The following CYP27C1 variants were observed in gnomAD, a reference collection of about 807,000 sequenced individuals.
CYP27C1 encodes cytochrome P450 family 27 subfamily C member 1.
A neutral mutation model predicts 40.6 loss-of-function variants in CYP27C1; 29 were observed. The observed-to-expected ratio is 0.71, with a 90% CI of 0.53 to 0.97. The LOEUF is 0.97. Ranked by LOEUF, CYP27C1 falls within the 50% of genes least tolerant of loss-of-function variation. CYP27C1 has a pLI of 0.00. For synonymous variants in CYP27C1, 198 were observed against 186.8 expected (o/e 1.06, Z -0.49); for missense variants, 390 against 485.8 (o/e 0.80, Z 1.85).
rs574616656 is a variant in CYP27C1 at position 127,219,410 on chromosome 2, C to T, written c.282+579G>A. Reference sequence around the variant, plus strand: ...CCATTCCTGGTTTCCCTTCGCGGCGCCCCCTCCCCAGGTTCCCCAACCAGG... The same window carrying T: ...CCATTCCTGGTTTCCCTTCGCGGCGTCCCCTCCCCAGGTTCCCCAACCAGG... On this transcript the variant is annotated intron_variant, in intron 1 of 8. Coordinates refer to ENST00000664447, the MANE Select transcript of CYP27C1 (RefSeq NM_001367502.1). This position sits in a 1 kb window ranked among gnomAD's most constrained non-coding sequence, Gnocchi z 8.7. Among the ~76,000 whole-genome samples, 1 of 152,100 alleles carries T rather than the reference C, an allele frequency of 6.6e-6. No homozygotes were observed. The highest frequency in any genetic ancestry group is 2.1e-4 in the South Asian group (1 of 4,812).
chr2:127,188,445 C>T (rs1682688236), intron 8 of CYP27C1, among the ~76,000 whole-genome samples: 1 of 152,094 alleles, frequency 6.6e-6, no homozygotes, highest in Non-Finnish European at 1.5e-5. Context: ...GTTTTGTTGC[C>T]CAGGCTGCTC....
At chr2:127,217,526 G>C (rs979414987) in intron 1 of CYP27C1, among the ~76,000 whole-genome samples, 1 of 152,230 alleles carries the variant, frequency 6.6e-6, no homozygotes, top group Non-Finnish European at 1.5e-5. Flanking sequence ...GGTGCAGAGA[G>C]AATGAGTGAC....
At position 127,205,974 on chromosome 2, in the gene CYP27C1, C is replaced by T. The variant is rs1300787997; in HGVS notation, c.399G>A (p.Ala133=). The change falls in exon 2 of 9, where the codon GCG becomes GCA. Residue 133 remains alanine, a synonymous_variant. Transcript: ENST00000664447. ...AGGACTCCATGTTGGCTCTCTGGGG[C>T]GCAGCGCCCTCCGCCCGGAGCACCT... ...VAQVLRAEGA[A]PQRANMESWR... Among the ~76,000 whole-genome samples, 2 of 152,234 alleles carry T rather than the reference C, an allele frequency of 1.3e-5. No homozygotes were observed. Among genetic ancestry groups the T allele is most frequent in the East Asian group, 1.9e-4 (1 of 5,196 alleles).
rs1682821772 is a variant in CYP27C1 at position 127,193,191 on chromosome 2, C to CA, written c.1399_1400insT (p.Arg467MetfsTer3). The CA allele has an allele frequency of 5.6e-6, 9 of 1,614,096 alleles. No individual in the cohort carries two copies. The highest frequency in any genetic ancestry group is 7.6e-6 in the Non-Finnish European group (9 of 1,180,040). ...GGGGATGGATCCAAAATTGTCAACTCTATCTAAGTCTCCTTTCCGCAGCCA... is the reference window on the plus strand; with the variant it reads ...GGGGATGGATCCAAAATTGTCAACTCATATCTAAGTCTCCTTTCCGCAGCCA... On this transcript the variant is annotated frameshift_variant, in exon 8 of 9. Transcript: ENST00000664447. LOFTEE classifies it high-confidence loss of function.
chr2:127,199,738 A>G (rs1279651564), intron 4 of CYP27C1, among the ~76,000 whole-genome samples, 199 bp from the exon 5 acceptor site: 1 of 152,236 alleles, frequency 6.6e-6, no homozygotes, highest in Admixed American at 6.5e-5. Context: ...GTTAAAAGAC[A>G]AGCTAAACGT....
chr2:127,187,467 C>T (rs1682657229), intron 8 of CYP27C1, 80 bp from the exon 9 acceptor site: 22 of 1,265,144 alleles, frequency 1.7e-5, no homozygotes. Flanking sequence ...TTTTACTCTT[C>T]CTGTGGCGGC....
rs1344143395 is a variant in CYP27C1 at position 127,185,588 on chromosome 2, T to C, written c.*1683A>G. ...AATATGACCTAATTTCACATTTACC[T>C]GTACATTTACAGCATTCATACTAGA... On this transcript the variant is annotated 3_prime_UTR_variant, in exon 9 of 9. Transcript: ENST00000664447. This position sits in a 1 kb window ranked among gnomAD's most constrained non-coding sequence, Gnocchi z 4.9. 1 of 152,250 alleles carries C rather than the reference T, an allele frequency of 6.6e-6. No individual in the cohort carries two copies. The highest frequency in any genetic ancestry group is 2.4e-5 in the African/African-American group (1 of 41,470). The allele number at this position is 152,250 out of a possible 1,614,324, so 9.4% of individuals were successfully genotyped here. A position where few individuals can be genotyped will look rare whatever the true frequency, so the allele number is the denominator to read the frequency against.
At chr2:127,212,189 C>CA (rs1055601270) in intron 1 of CYP27C1, among the ~76,000 whole-genome samples, 7 of 152,018 alleles carry the variant, frequency 4.6e-5, no homozygotes, top group South Asian at 2.1e-4. Flanking sequence ...GTCTACCAAC[C>CA]AAAAAAAGCC....
rs1279594488 is a variant in CYP27C1, at chr2:127,219,081, A to G, written c.282+908T>C. On this transcript the variant is annotated intron_variant, in intron 1 of 8. Transcript: ENST00000664447. The surrounding 1 kb of genome is among the most constrained non-coding windows in gnomAD (Gnocchi z 8.7). ...CGCCCCCAACTCCGGCTTAGAGCCT[A>G]CGGCACCCCGAGCCTCCGAGCCTCC... Among the ~76,000 whole-genome samples, 1 of 151,826 alleles carries G rather than the reference A, an allele frequency of 6.6e-6. No individual in the cohort carries two copies. The highest frequency in any genetic ancestry group is 1.5e-5 in the Non-Finnish European group (1 of 67,916).
At chr2:127,217,166 A>G (rs1035177507) in intron 1 of CYP27C1, among the ~76,000 whole-genome samples, 1 of 152,208 alleles carries the variant, frequency 6.6e-6, no homozygotes, top group Admixed American at 6.5e-5. Context: ...GATAGTTTTC[A>G]TCACTTTCTG....
chr2:127,187,831 A>G (rs1046900997), intron 8 of CYP27C1, among the ~76,000 whole-genome samples: 2 of 152,186 alleles, frequency 1.3e-5, no homozygotes, highest in African/African-American at 4.8e-5. Context: ...ACAGAGGCGG[A>G]GAGAGCTGAA....
Position 127,187,112 on chromosome 2 carries a change from A to G in CYP27C1, c.*159T>C, listed in dbSNP as rs1682640765. On this transcript the variant is annotated 3_prime_UTR_variant, in exon 9 of 9. Coordinates refer to ENST00000664447, the MANE Select transcript of CYP27C1 (RefSeq NM_001367502.1). ...TAGCAACCTTTTTACATTACTTTGC[A>G]TAAAGATTTACAAGTGTCCCAGGAC... The G allele has an allele frequency of 4.5e-6, 3 of 662,400 alleles. No homozygotes were observed. Among genetic ancestry groups the G allele is most frequent in the Non-Finnish European group, 5.4e-6 (2 of 372,190 alleles). 41.0% of individuals were successfully genotyped at this position (662,400 alleles called of 1,614,324 possible). A position where few individuals can be genotyped will look rare whatever the true frequency, so the allele number is the denominator to read the frequency against.
rs929253161 is a variant in CYP27C1 at position 127,196,210 on chromosome 2, T to C, written c.1048-709A>G. On this transcript the variant is annotated intron_variant, in intron 5 of 8. Coordinates refer to ENST00000664447, the MANE Select transcript of CYP27C1 (RefSeq NM_001367502.1). The surrounding 1 kb of genome is among the most constrained non-coding windows in gnomAD (Gnocchi z 4.5). ...CCCGAGTAGCTGGGACTACAGGCGC[T>C]CACCACCACGCCCGGCTAATTTTTT... is the stretch of plus-strand genomic sequence containing the variant. Among the ~76,000 whole-genome samples the C allele has an allele frequency of 1.4e-4, 22 of 151,746 alleles. No homozygotes were observed. The South Asian group carries it at 4.2e-3, about 29-fold the overall frequency.
At chr2:127,194,534 C>T (rs953469109) in intron 6 of CYP27C1, among the ~76,000 whole-genome samples, 1 of 152,086 alleles carries the variant, frequency 6.6e-6, no homozygotes, top group African/African-American at 2.4e-5. Context: ...CCCCTCAACC[C>T]AGGACAACCC....
chr2:127,190,497 C>T (rs1289278691), intron 8 of CYP27C1, among the ~76,000 whole-genome samples: 1 of 150,794 alleles, frequency 6.6e-6, no homozygotes, highest in Non-Finnish European at 1.5e-5. Context: ...CACCCGCCAC[C>T]AGGCCTGGCT....
In CYP27C1 at chr2:127,200,890, G is replaced by A. The variant is rs2104685986; in HGVS notation, c.883+232C>T. On this transcript the variant is annotated intron_variant, in intron 4 of 8. Transcript: ENST00000664447. The surrounding 1 kb of genome is among the most constrained non-coding windows in gnomAD (Gnocchi z 4.2). Reference sequence around the variant, plus strand: ...AGGCATGATAATCACTTGAACCTAGGAGGCAGAGGTTGCAGTGAGCTGAGA... The same window carrying A: ...AGGCATGATAATCACTTGAACCTAGAAGGCAGAGGTTGCAGTGAGCTGAGA... 6.6e-6 allele frequency among the ~76,000 whole-genome samples: 1 copy of A among 152,036 alleles called. No individual in the cohort carries two copies. The highest frequency in any genetic ancestry group is 2.4e-5 in the African/African-American group (1 of 41,464).
intron 8 of CYP27C1, among the ~76,000 whole-genome samples, chr2:127,190,941 GA>G (rs36094047): frequency 0.016 from 1,364 of 85,518 alleles, 17 homozygotes; most frequent in African/African-American, 0.048. Context: ...GTGAGACTCT[GA>G]AAAAAAAAAA....
rs146357076 is a variant in CYP27C1, at chr2:127,198,110, G to A, written c.1047+1266C>T. 4.3e-3 allele frequency among the ~76,000 whole-genome samples: 655 copies of A among 151,814 alleles called. 8 individuals carry two copies. The highest frequency in any genetic ancestry group is 0.015 in the African/African-American group (625 of 41,370). The stretch of plus-strand genomic sequence containing the variant: ...AATGGGCAGTGCTCTGTCTCATTCT[G>A]ATATGAACCCTCCCTGGTCCCAGTG... On this transcript the variant is annotated intron_variant, in intron 5 of 8. Transcript: ENST00000664447.
chr2:127,188,376 A>T lies in CYP27C1; in HGVS notation c.1498-989T>A, dbSNP rs1573888447. ...AACCTCAGCCTCCTCAGTAGCTGGG[A>T]CTACAGGCATGCATCACATCTGGCT... On this transcript the variant is annotated intron_variant, in intron 8 of 8. Coordinates refer to ENST00000664447, the MANE Select transcript of CYP27C1 (RefSeq NM_001367502.1). Among the ~76,000 whole-genome samples, 5 of 152,192 alleles carry T rather than the reference A, an allele frequency of 3.3e-5. No individual in the cohort carries two copies. The East Asian group carries it at 9.6e-4, about 29-fold the overall frequency.
Sources: allele counts gnomAD v4.1 joint callset (sites outside exome capture counted in the v4.1 genomes callset), GRCh38; gene constraint gnomAD v4.1.1; non-coding constraint Gnocchi (gnomAD v3.1); transcripts MANE v1.5; gene names NCBI Gene and HGNC (gene_info 2026-07-23, HGNC 2026-07-21).